Variants in JPH3 observed in about 807,000 individuals in gnomAD.
JPH3 encodes the protein junctophilin-3.
JPH3 carries 11 observed loss-of-function variants against 59.6 expected under a neutral mutation model. That is an observed-to-expected ratio of 0.18 (90% CI 0.12 to 0.31). JPH3 has a LOEUF of 0.31. Among genes scored for constraint, JPH3 ranks in the 10% least tolerant of loss-of-function variants. The probability of loss-of-function intolerance (pLI) is 1.00; values close to 1 mark genes in which losing one functional copy is unlikely to be tolerated. For synonymous variants in JPH3, 673 were observed against 483.6 expected (o/e 1.39, Z -5.14); for missense variants, 1,202 against 1,105.7 (o/e 1.09, Z -1.24).
At chr16:87,672,692 C>T (rs1222087524) in intron 2 of JPH3, among the ~76,000 whole-genome samples, 1 of 152,234 alleles carries the variant, frequency 6.6e-6, no homozygotes, top group East Asian at 1.9e-4. Context: ...GCAGGGTGTC[C>T]ACGTGGCTGG....
intron 1 of JPH3, among the ~76,000 whole-genome samples, chr16:87,613,551 C>T (rs2030817548): frequency 6.6e-6 from 1 of 152,082 alleles, no homozygotes; most frequent in South Asian, 2.1e-4. Flanking sequence ...GAACTCTTGA[C>T]CTCAAGTGAT....
chr16:87,631,323 GT>G (rs1464639919), intron 1 of JPH3, among the ~76,000 whole-genome samples: 1 of 152,190 alleles, frequency 6.6e-6, no homozygotes, highest in Non-Finnish European at 1.5e-5. Flanking sequence ...GGAAGATATA[GT>G]TTCTGTGGCT....
intron 2 of JPH3, among the ~76,000 whole-genome samples, chr16:87,665,859 G>C (rs987954740): frequency 2.6e-5 from 4 of 152,172 alleles, no homozygotes; most frequent in African/African-American, 9.7e-5. Flanking sequence ...TGGAACACTG[G>C]TCCCTGGGAC....
chr16:87,622,526 C>T (rs535451681), intron 1 of JPH3, among the ~76,000 whole-genome samples: 1 of 133,858 alleles, frequency 7.5e-6, no homozygotes, highest in South Asian at 2.3e-4. Context: ...GTGGCAGGGC[C>T]GGGAAGTAGA....
intron 1 of JPH3, among the ~76,000 whole-genome samples, chr16:87,614,005 C>T (rs528037885): frequency 6.6e-5 from 10 of 152,214 alleles, no homozygotes; most frequent in African/African-American, 1.4e-4. Context: ...ATTCCAGGGG[C>T]CCACTTGCTT....
chr16:87,643,819 C>A (rs1160233667), intron 1 of JPH3, among the ~76,000 whole-genome samples: 1 of 151,582 alleles, frequency 6.6e-6, no homozygotes, highest in Non-Finnish European at 1.5e-5. Context: ...GTCTGTCTGC[C>A]TCCACGCAAA....
intron 1 of JPH3, among the ~76,000 whole-genome samples, chr16:87,636,764 C>G (rs1243848620): frequency 6.6e-6 from 1 of 152,232 alleles, no homozygotes; most frequent in Non-Finnish European, 1.5e-5. Flanking sequence ...CTCCGGCGAC[C>G]CTCATTACAC....
intron 1 of JPH3, among the ~76,000 whole-genome samples, chr16:87,616,232 G>A (rs866735828): frequency 0.17 from 20,390 of 119,950 alleles, 2,314 homozygotes; most frequent in Non-Finnish European, 0.26. Context: ...GTGTGTGTGT[G>A]TGTGTATTTT....
At chr16:87,696,068 G>T (rs964302639) in intron 4 of JPH3, 38 of 456,396 alleles carry the variant, frequency 8.3e-5, no homozygotes, top group African/African-American at 7.4e-4. Context: ...GGTGAGGGGG[G>T]GTTTTGTTGA....
intron 4 of JPH3, chr16:87,695,166 G>C: frequency 2.7e-6 from 1 of 370,108 alleles, no homozygotes; most frequent in South Asian, 2.0e-5. Flanking sequence ...GTGGGGGGAA[G>C]GGGGAGGCCC....
intron 2 of JPH3, among the ~76,000 whole-genome samples, chr16:87,677,183 T>TACACAC (rs1156601635): frequency 2.6e-5 from 2 of 75,900 alleles, no homozygotes; most frequent in East Asian, 4.5e-4. Flanking sequence ...ACTATATATA[T>TACACAC]ATACACACAC....
At chr16:87,604,573 G>C in intron 1 of JPH3, 2 of 1,237,368 alleles carry the variant, frequency 1.6e-6, no homozygotes, top group Non-Finnish European at 2.1e-6. Flanking sequence ...GCCTGGGAAG[G>C]GAGTGAGACG....
intron 1 of JPH3, among the ~76,000 whole-genome samples, chr16:87,642,248 G>C (rs183863446): frequency 0.014 from 2,076 of 151,376 alleles, 19 homozygotes; most frequent in Non-Finnish European, 0.019. Flanking sequence ...CTAGGGAAAG[G>C]GGGGGGGCAG....
chr16:87,655,831 G>T (rs1381224242), intron 2 of JPH3, among the ~76,000 whole-genome samples: 2 of 152,220 alleles, frequency 1.3e-5, no homozygotes, highest in Non-Finnish European at 2.9e-5. Context: ...CTCGTAGGAG[G>T]CTCTGGATTG....
chr16:87,667,938 G>A (rs1213992153), intron 2 of JPH3, among the ~76,000 whole-genome samples: 2 of 152,258 alleles, frequency 1.3e-5, no homozygotes, highest in South Asian at 2.1e-4. Flanking sequence ...ACAGGCCCCT[G>A]CCCTTGGTGG....
In JPH3 at chr16:87,632,152, G is replaced by T. The variant is rs2031583884; in HGVS notation, c.383-12106G>T. 2.0e-5 allele frequency among the ~76,000 whole-genome samples: 3 copies of T among 152,306 alleles called. No homozygotes were observed. The South Asian group carries it at 6.2e-4, about 32-fold the overall frequency. On this transcript the variant is annotated intron_variant, in intron 1 of 4. Coordinates refer to ENST00000284262, the MANE Select transcript of JPH3 (RefSeq NM_020655.4). ...CTTCTGGCTACAGTCTGTTTTTTCA[G>T]AGGAATTTTCCACCTCTCTCCTGGA...
chr16:87,651,732 A>G (rs2032330532), intron 2 of JPH3, among the ~76,000 whole-genome samples: 1 of 152,238 alleles, frequency 6.6e-6, no homozygotes, highest in African/African-American at 2.4e-5. Flanking sequence ...GAAACGAGAA[A>G]ATGGTTTCTT....
chr16:87,627,874 AC>A (rs1277304395), intron 1 of JPH3, among the ~76,000 whole-genome samples: 1 of 152,064 alleles, frequency 6.6e-6, no homozygotes, highest in African/African-American at 2.4e-5. Context: ...TCAGCCAGGC[AC>A]CCTGCAGGCC....
intron 1 of JPH3, among the ~76,000 whole-genome samples, chr16:87,623,538 A>G (rs537784310): frequency 6.6e-6 from 1 of 152,346 alleles, no homozygotes; most frequent in Non-Finnish European, 1.5e-5. Flanking sequence ...GTTAAATTTC[A>G]AGTAAAGCTT....
Sources: allele counts gnomAD v4.1 joint callset (sites outside exome capture counted in the v4.1 genomes callset), GRCh38; gene constraint gnomAD v4.1.1; transcripts MANE v1.5; gene names NCBI Gene and HGNC (gene_info 2026-07-23, HGNC 2026-07-21).